LONP2: variants seen among roughly 807,000 people sequenced by gnomAD.
LONP2 encodes the protein lon protease homolog 2, peroxisomal.
Under a neutral mutation model 85.6 loss-of-function variants are expected in LONP2, and 60 were observed. That is an observed-to-expected ratio of 0.70 (90% confidence interval 0.57 to 0.87). The LOEUF (loss-of-function observed/expected upper bound fraction) is 0.87, where lower values mean the gene tolerates loss of function less well. LONP2 is among the 40% of genes least tolerant of loss of function. The pLI, the probability that LONP2 is intolerant of heterozygous loss-of-function variation, is 0.00. For synonymous variants in LONP2, 395 were observed against 389.7 expected (o/e 1.01, Z -0.16); for missense variants, 860 against 1,063.5 (o/e 0.81, Z 2.66).
rs967245184 is a variant in LONP2 at position 48,291,067 on chromosome 16, A to C, written c.1384-4948A>C. Among the ~76,000 whole-genome samples, 3 of 152,358 alleles carry C rather than the reference A, an allele frequency of 2.0e-5. No individual in the cohort carries two copies. In the East Asian group the frequency reaches 5.8e-4, roughly 29 times the overall value. On this transcript the variant is annotated intron_variant, in intron 8 of 14. Coordinates refer to ENST00000285737, the MANE Select transcript of LONP2 (RefSeq NM_031490.5). ...CCAAATATATATTTTACAGTATCAT[A>C]ATAGTATTAATTGTGTGTGGCTTTC...
In LONP2 at chr16:48,298,683, T is replaced by A. The variant is rs571626895; in HGVS notation, c.1535-979T>A. 4.9e-4 allele frequency among the ~76,000 whole-genome samples: 72 copies of A among 146,882 alleles called. 1 individual carries two copies. In the South Asian group the frequency reaches 0.015, roughly 30 times the overall value. On this transcript the variant is annotated intron_variant, in intron 9 of 14. Transcript: ENST00000285737. ...TGTGTGTGTGTGTTTCAAGTATAGA[T>A]CAAATTAGGCTAAAAAGATGCATTT...
intron 14 of LONP2, among the ~76,000 whole-genome samples, chr16:48,351,136 A>G (rs907570557): frequency 2.6e-5 from 4 of 152,226 alleles, no homozygotes; most frequent in Non-Finnish European, 5.9e-5. Flanking sequence ...TTCATTAACC[A>G]GCATGGAGGT....
Position 48,356,588 on chromosome 16 carries a change from A to AT in LONP2, c.*4794dup, listed in dbSNP as rs940490985. On this transcript the variant is annotated 3_prime_UTR_variant, in exon 15 of 15. Coordinates refer to ENST00000285737, the MANE Select transcript of LONP2 (RefSeq NM_031490.5). Reference sequence around the variant, plus strand: ...GATTTATGGTCCAACACTAATGCTCATTTTTTTTGTTTGTTTTACAAACAT... The same window carrying AT: ...GATTTATGGTCCAACACTAATGCTCATTTTTTTTTGTTTGTTTTACAAACAT... 64 of 252,912 alleles carry AT rather than the reference A, an allele frequency of 2.5e-4. No individual in the cohort carries two copies. The highest frequency in any genetic ancestry group is 1.2e-3 in the Admixed American group (26 of 21,042). 15.7% of individuals were successfully genotyped at this position (252,912 alleles called of 1,614,324 possible). A position where few individuals can be genotyped will look rare whatever the true frequency, so the allele number is the denominator to read the frequency against.
intron 10 of LONP2, among the ~76,000 whole-genome samples, chr16:48,301,482 G>A (rs764329678): frequency 6.6e-6 from 1 of 152,072 alleles, no homozygotes; most frequent in Non-Finnish European, 1.5e-5. Context: ...TGGGACCACA[G>A]GTGCATGCCG....
intron 12 of LONP2, among the ~76,000 whole-genome samples, chr16:48,337,185 T>C (rs1014446765): frequency 2.0e-5 from 3 of 152,232 alleles, no homozygotes; most frequent in African/African-American, 7.2e-5. Flanking sequence ...TTATTCCAAG[T>C]CCATTATTCT....
intron 9 of LONP2, among the ~76,000 whole-genome samples, chr16:48,297,830 G>A (rs758467804): frequency 5.3e-5 from 8 of 151,986 alleles, no homozygotes; most frequent in Non-Finnish European, 1.2e-4. Context: ...CTCACAAGTA[G>A]CTGGGACTAC....
chr16:48,343,769 C>T (rs886155843), intron 12 of LONP2: 4 of 152,016 alleles, frequency 2.6e-5, no homozygotes, highest in Non-Finnish European at 1.5e-5. Flanking sequence ...ATTTTAAATA[C>T]TTCCTTAATC....
downstream of LONP2, among the ~76,000 whole-genome samples, chr16:48,359,594 T>TA (rs1181718352): frequency 6.6e-6 from 1 of 152,092 alleles, no homozygotes; most frequent in African/African-American, 2.4e-5. Flanking sequence ...CACGTGCCTG[T>TA]AGTCCCAGCT....
At chr16:48,288,620 C>T (rs1487226165) in intron 8 of LONP2, among the ~76,000 whole-genome samples, 1 of 152,138 alleles carries the variant, frequency 6.6e-6, no homozygotes, top group Admixed American at 6.6e-5. Flanking sequence ...CCTTGGCTTA[C>T]AGACAACCGA....
rs745575156 is a variant in LONP2, at chr16:48,347,582, G to A, written c.2014G>A (p.Val672Met). 3 of 1,614,252 alleles carry A rather than the reference G, an allele frequency of 1.9e-6. No homozygotes were observed. Among genetic ancestry groups the A allele is most frequent in the Non-Finnish European group, 1.7e-6 (2 of 1,180,042 alleles). ...WTPLGGEIMFVEASRMDGEGQ... is the reference protein window; with the variant it reads ...WTPLGGEIMFMEASRMDGEGQ... Reference sequence around the variant, plus strand: ...TCCCTTAGGTGGAGAAATCATGTTCGTGGAGGCGAGTCGAATGGATGGCGA... The same window carrying A: ...TCCCTTAGGTGGAGAAATCATGTTCATGGAGGCGAGTCGAATGGATGGCGA... The change falls in exon 13 of 15, where the codon GTG becomes ATG. Residue 672 changes from valine to methionine, a missense_variant. By Grantham distance (21) the Val-to-Met change is conservative. Around this residue, in one of 3 missense-constraint regions of LONP2, gnomAD observed 743 missense variants for 917.3 expected, o/e 0.81. Transcript: ENST00000285737.
Position 48,296,176 on chromosome 16 carries a change from C to T in LONP2, c.1534+11C>T, listed in dbSNP as rs1410655433. 2 of 1,612,856 alleles carry T rather than the reference C, an allele frequency of 1.2e-6. No individual in the cohort carries two copies. Among genetic ancestry groups the T allele is most frequent in the Non-Finnish European group, 1.7e-6 (2 of 1,179,448 alleles). ...TCATTCAGGTTCCAGGTACCTGACT[C>T]TTAAATCATTATGATACATCTTGCC... On this transcript the variant is annotated intron_variant, in intron 9 of 14. Coordinates refer to ENST00000285737, the MANE Select transcript of LONP2 (RefSeq NM_031490.5).
At chr16:48,262,741 T>C (rs1971904127) in intron 5 of LONP2, 37 bp from the exon 6 acceptor site, 1 of 1,345,716 alleles carries the variant, frequency 7.4e-7, no homozygotes, top group African/African-American at 1.5e-5. Flanking sequence ...TTTTTCTGTG[T>C]TCTTGAACAT....
intron 8 of LONP2, 82 bp downstream of exon 8, chr16:48,277,561 A>G: frequency 2.2e-6 from 3 of 1,357,450 alleles, no homozygotes; most frequent in African/African-American, 1.5e-5. Context: ...AGTGATATAC[A>G]CAGTGGTGTA....
intron 11 of LONP2, among the ~76,000 whole-genome samples, chr16:48,310,194 A>G (rs1973000769): frequency 6.6e-6 from 1 of 152,116 alleles, no homozygotes; most frequent in African/African-American, 2.4e-5. Context: ...TGTCTTTAAC[A>G]GTAAGGCAAA....
chr16:48,302,472 C>G (rs955083493), intron 10 of LONP2, among the ~76,000 whole-genome samples: 17 of 152,170 alleles, frequency 1.1e-4, no homozygotes, highest in African/African-American at 4.1e-4. Context: ...CAGGTCCATC[C>G]AAAGCTGAGT....
At chr16:48,322,602 C>T (rs941529244) in intron 11 of LONP2, among the ~76,000 whole-genome samples, 9 of 152,048 alleles carry the variant, frequency 5.9e-5, no homozygotes, top group South Asian at 2.1e-4. Flanking sequence ...AGTCCAGGCA[C>T]GATAGTGTGT....
chr16:48,276,940 T>C (rs1469460597), intron 7 of LONP2, among the ~76,000 whole-genome samples: 1 of 152,194 alleles, frequency 6.6e-6, no homozygotes. Context: ...CATTTCAGTG[T>C]GCATAAAGGT....
chr16:48,308,045 C>T (rs550745751), intron 11 of LONP2, among the ~76,000 whole-genome samples: 6 of 152,208 alleles, frequency 3.9e-5, no homozygotes, highest in Non-Finnish European at 5.9e-5. Context: ...AGGGATCTGC[C>T]CCTGTGACCC....
At chr16:48,331,151 T>TAG (rs113076026) in intron 11 of LONP2, among the ~76,000 whole-genome samples, 1,861 of 152,316 alleles carry the variant, frequency 0.012, 39 homozygotes, top group African/African-American at 0.042. Context: ...CTTCCATCTA[T>TAG]AGTGTAGTAA....
Sources: gnomAD v4.1 joint callset for allele counts (sites outside exome capture counted in the v4.1 genomes callset) on GRCh38, gnomAD v4.1.1 for gene constraint, gnomAD v4.1.1 regional missense constraint, MANE v1.5 for transcripts, NCBI Gene and HGNC (gene_info 2026-07-23, HGNC 2026-07-21) for gene names.